The following JAZF1 variants were observed in gnomAD, a reference collection of about 807,000 sequenced individuals.
The protein encoded by JAZF1 is juxtaposed with another zinc finger protein 1.
Under a neutral mutation model 26.4 loss-of-function variants are expected in JAZF1, and 8 were observed. The ratio of observed to expected loss-of-function variants is 0.30; its 90% confidence interval spans 0.18 to 0.55. The LOEUF (loss-of-function observed/expected upper bound fraction) is 0.55, where lower values mean the gene tolerates loss of function less well. JAZF1 is among the 20% of genes least tolerant of loss of function. The pLI is 0.94. For missense variants in JAZF1, 199 were observed against 322.0 expected (o/e 0.62, Z 2.92); for synonymous variants, 126 against 122.3 (o/e 1.03, Z -0.20).
Position 27,942,660 on chromosome 7 carries a change from C to T in JAZF1, c.189-47244G>A, listed in dbSNP as rs79888629. On this transcript the variant is annotated intron_variant, in intron 2 of 4. Transcript: ENST00000283928. ...CAGGCCTGAGTTGAGAGCCAAAACACCCACTTCTCAAAACAGAGGGGACAC... is the reference window on the plus strand; with the variant it reads ...CAGGCCTGAGTTGAGAGCCAAAACATCCACTTCTCAAAACAGAGGGGACAC... Among the ~76,000 whole-genome samples the T allele has an allele frequency of 3.8e-3, 577 of 152,302 alleles. 4 individuals carry two copies. The highest frequency in any genetic ancestry group is 0.013 in the African/African-American group (557 of 41,564).
chr7:27,892,768 C>G (rs1277902497), intron 3 of JAZF1, among the ~76,000 whole-genome samples: 1 of 152,118 alleles, frequency 6.6e-6, no homozygotes, highest in African/African-American at 2.4e-5. Flanking sequence ...GGACAAATGC[C>G]TAACACAAAT....
intron 1 of JAZF1, among the ~76,000 whole-genome samples, chr7:28,017,400 C>G (rs1389038889): frequency 1.3e-5 from 2 of 150,048 alleles, no homozygotes. Flanking sequence ...TGTTTTGTTT[C>G]CTCTTCAGCT....
rs138194751 is a variant in JAZF1, at chr7:27,980,811, C to A, written c.188+11098G>T. Among the ~76,000 whole-genome samples, 724 of 151,290 alleles carry A rather than the reference C, an allele frequency of 4.8e-3. 9 individuals are homozygous for A. Among genetic ancestry groups the A allele is most frequent in the African/African-American group, 0.017 (685 of 40,700 alleles). On this transcript the variant is annotated intron_variant, in intron 2 of 4. Coordinates refer to ENST00000283928, the MANE Select transcript of JAZF1 (RefSeq NM_175061.4). Reference sequence around the variant, plus strand: ...CGATTTTCTTTCACATGACTTAACCCTTATTACTATCATCTTGAATGCATA... The same window carrying A: ...CGATTTTCTTTCACATGACTTAACCATTATTACTATCATCTTGAATGCATA...
chr7:28,030,082 C>T (rs186591201), intron 1 of JAZF1, among the ~76,000 whole-genome samples: 4 of 152,304 alleles, frequency 2.6e-5, no homozygotes, highest in Admixed American at 2.0e-4. Flanking sequence ...ACTCTGCAGG[C>T]GGTGCCCCTC....
intron 1 of JAZF1, among the ~76,000 whole-genome samples, chr7:28,051,949 A>AT (rs988200059): frequency 2.6e-5 from 4 of 151,886 alleles, no homozygotes; most frequent in African/African-American, 9.7e-5. Flanking sequence ...AAATACTGTC[A>AT]TTTTTTTCTG....
At chr7:28,056,477 A>ACACAC (rs1783713056) in intron 1 of JAZF1, among the ~76,000 whole-genome samples, 2 of 139,144 alleles carry the variant, frequency 1.4e-5, no homozygotes, top group Admixed American at 7.1e-5. Flanking sequence ...CACACACACA[A>ACACAC]TAAGAAAGAA....
At chr7:28,022,272 C>A (rs1211045146) in intron 1 of JAZF1, among the ~76,000 whole-genome samples, 1 of 152,220 alleles carries the variant, frequency 6.6e-6, no homozygotes, top group Non-Finnish European at 1.5e-5. Flanking sequence ...ACTTCTTAAG[C>A]ATAGCTTTCA....
intron 2 of JAZF1, among the ~76,000 whole-genome samples, chr7:27,922,951 A>G (rs967066784): frequency 6.6e-6 from 1 of 152,260 alleles, no homozygotes; most frequent in Non-Finnish European, 1.5e-5. Flanking sequence ...CAGATATTGC[A>G]TATGTTAAAA....
At chr7:28,065,167 G>A (rs1783859359) in intron 1 of JAZF1, among the ~76,000 whole-genome samples, 2 of 152,152 alleles carry the variant, frequency 1.3e-5, no homozygotes, top group Admixed American at 1.3e-4. Context: ...GCGCTGATAA[G>A]GAATCTTTTG....
intron 1 of JAZF1, among the ~76,000 whole-genome samples, chr7:28,074,077 T>C (rs1784017394): frequency 6.6e-6 from 1 of 152,116 alleles, no homozygotes; most frequent in Non-Finnish European, 1.5e-5. Flanking sequence ...CTGTACAGGG[T>C]CATTGCAACA....
intron 3 of JAZF1, among the ~76,000 whole-genome samples, chr7:27,891,487 T>C (rs571649673): frequency 2.0e-5 from 3 of 152,046 alleles, no homozygotes; most frequent in African/African-American, 7.2e-5. Flanking sequence ...AAGACAAGGA[T>C]AGGAAAGGAA....
At chr7:27,893,343 T>C (rs1181259253) in intron 3 of JAZF1, among the ~76,000 whole-genome samples, 2 of 152,208 alleles carry the variant, frequency 1.3e-5, no homozygotes, top group South Asian at 2.1e-4. Flanking sequence ...ATTTTAATCA[T>C]GGCTAAGGAG....
At chr7:28,019,230 T>C (rs971206592) in intron 1 of JAZF1, among the ~76,000 whole-genome samples, 4 of 152,166 alleles carry the variant, frequency 2.6e-5, no homozygotes, top group Non-Finnish European at 5.9e-5. Context: ...GCCAGGACAC[T>C]GGAACCGGCG....
At chr7:28,091,671 C>CAG (rs140074968) in intron 1 of JAZF1, among the ~76,000 whole-genome samples, 2,207 of 147,092 alleles carry the variant, frequency 0.015, 26 homozygotes, top group Non-Finnish European at 0.023. Flanking sequence ...TATGCACATG[C>CAG]AGAGAGAGAG....
At chr7:28,024,083 C>T (rs1783051724) in intron 1 of JAZF1, among the ~76,000 whole-genome samples, 1 of 150,506 alleles carries the variant, frequency 6.6e-6, no homozygotes, top group Non-Finnish European at 1.5e-5. Context: ...GTCAGGACTT[C>T]AAGACCAACC....
In JAZF1 at chr7:28,092,290, C is replaced by CCAA. The variant is rs1784310777; in HGVS notation, c.115+88172_115+88173insTTG. Among the ~76,000 whole-genome samples, 46 of 12,800 alleles carry CCAA rather than the reference C, an allele frequency of 3.6e-3. 2 individuals carry two copies. The highest frequency in any genetic ancestry group is 9.5e-3 in the African/African-American group (44 of 4,644). 8.4% of individuals were successfully genotyped at this position (12,800 alleles called of 152,430 possible). A position where few individuals can be genotyped will look rare whatever the true frequency, so the allele number is the denominator to read the frequency against. ...AACATCCCATTTCAGGGACAAAAGGCAAAAAAAAAAAAAAAAAAAAAAAAA... is the reference window on the plus strand; with the variant it reads ...AACATCCCATTTCAGGGACAAAAGGCCAAAAAAAAAAAAAAAAAAAAAAAAAAA... On this transcript the variant is annotated intron_variant, in intron 1 of 4. Coordinates refer to ENST00000283928, the MANE Select transcript of JAZF1 (RefSeq NM_175061.4).
chr7:27,936,041 C>A (rs1276959722), intron 2 of JAZF1, among the ~76,000 whole-genome samples: 1 of 152,186 alleles, frequency 6.6e-6, no homozygotes, highest in Non-Finnish European at 1.5e-5. Flanking sequence ...TTCCATGCCA[C>A]CTCCCTGGGA....
intron 1 of JAZF1, among the ~76,000 whole-genome samples, chr7:28,166,567 T>C (rs1161853228): frequency 1.3e-5 from 2 of 152,232 alleles, no homozygotes; most frequent in African/African-American, 2.4e-5. Context: ...TTCCATTGCT[T>C]GGTTGTTGCA....
intron 2 of JAZF1, among the ~76,000 whole-genome samples, chr7:27,916,570 A>AG (rs1784445778): frequency 1.3e-5 from 2 of 152,196 alleles, no homozygotes; most frequent in Non-Finnish European, 2.9e-5. Flanking sequence ...ATGCTGGTGT[A>AG]AACTTACCTG....
Sources: gnomAD v4.1 joint callset for allele counts (sites outside exome capture counted in the v4.1 genomes callset) on GRCh38, gnomAD v4.1.1 for gene constraint, MANE v1.5 for transcripts, NCBI Gene and HGNC (gene_info 2026-07-23, HGNC 2026-07-21) for gene names.